Variants in TENM2 observed in about 807,000 individuals in gnomAD.
The protein encoded by TENM2 is teneurin-2.
Under a neutral mutation model 245.2 loss-of-function variants are expected in TENM2, and 52 were observed. The ratio of observed to expected loss-of-function variants is 0.21; its 90% CI spans 0.17 to 0.27. TENM2 has a LOEUF of 0.27. Ranked by LOEUF, TENM2 falls within the 10% of genes least tolerant of loss-of-function variation. The probability of loss-of-function intolerance (pLI) is 1.00; values close to 1 mark genes in which losing one functional copy is unlikely to be tolerated. For synonymous variants in TENM2, 1,363 were observed against 1,438.9 expected, an observed-to-expected ratio of 0.95 and a Z score of 1.19; for missense variants, 3,046 against 3,666.8, an observed-to-expected ratio of 0.83 and a Z score of 4.37.
intron 4 of TENM2, among the ~76,000 whole-genome samples, chr5:167,981,207 C>T (rs560620392): frequency 1.6e-4 from 25 of 152,316 alleles, no homozygotes; most frequent in Middle Eastern, 3.4e-3. Context: ...TTCAGCTCCC[C>T]GCCATCCCCA....
intron 3 of TENM2, among the ~76,000 whole-genome samples, chr5:167,894,025 A>G (rs895896370): frequency 3.3e-5 from 5 of 152,220 alleles, no homozygotes; most frequent in African/African-American, 7.2e-5. Context: ...AGGTAGTCCA[A>G]TGCGGCAGCA....
the TENM2 span, among the ~76,000 whole-genome samples, chr5:167,083,928 T>A: frequency 6.6e-6 from 1 of 152,122 alleles, no homozygotes. Flanking sequence ...GTGTTCAAAG[T>A]TAAGGATGTC....
At chr5:167,754,867 CCTCATG>C (rs1475087313) in intron 2 of TENM2, 1 of 637,404 alleles carries the variant, frequency 1.6e-6, no homozygotes, top group Non-Finnish European at 2.4e-6. Context: ...TCCTCAGGAA[CCTCATG>C]CTGAGGCTGT....
At chr5:167,828,898 CAA>C (rs1221399888) in intron 2 of TENM2, among the ~76,000 whole-genome samples, 1 of 152,172 alleles carries the variant, frequency 6.6e-6, no homozygotes, top group African/African-American at 2.4e-5. Flanking sequence ...ACCACAGGCT[CAA>C]GGTGTGGAGC....
the TENM2 span, among the ~76,000 whole-genome samples, chr5:167,264,834 CT>C: frequency 6.6e-6 from 1 of 152,150 alleles, no homozygotes; most frequent in Non-Finnish European, 1.5e-5. Flanking sequence ...GCAAGTTAAA[CT>C]GGCAGACTGA....
chr5:167,768,498 G>A lies in TENM2; in HGVS notation c.503-107488G>A, dbSNP rs564911540. On this transcript the variant is annotated intron_variant, in intron 2 of 28. Coordinates refer to ENST00000518659, the Ensembl canonical transcript of TENM2. ...AAGGGCCACATTTGGGCTTCCTATG[G>A]AGCCTCCAAAGCCCTTAGAAGCTTT... Among the ~76,000 whole-genome samples the A allele has an allele frequency of 7.9e-4, 120 of 152,264 alleles. 1 individual carries two copies. Among genetic ancestry groups the A allele is most frequent in the Non-Finnish European group, 1.4e-3 (96 of 68,014 alleles).
At chr5:168,090,003 C>G (rs956380302) in intron 7 of TENM2, among the ~76,000 whole-genome samples, 1 of 152,162 alleles carries the variant, frequency 6.6e-6, no homozygotes, top group Non-Finnish European at 1.5e-5. Flanking sequence ...TAGCCCTCAT[C>G]ATAGCCCTTC....
chr5:167,116,152 G>A, the TENM2 span, among the ~76,000 whole-genome samples: 1 of 152,190 alleles, frequency 6.6e-6, no homozygotes, highest in South Asian at 2.1e-4. Context: ...TTTATTGCGG[G>A]AAAGGACTTT....
chr5:167,824,441 A>G (rs1450128427), intron 2 of TENM2, among the ~76,000 whole-genome samples: 3 of 152,228 alleles, frequency 2.0e-5, no homozygotes, highest in African/African-American at 4.8e-5. Context: ...CTCAGAGCTC[A>G]GAGAGGTCAG....
chr5:167,766,690 A>C (rs1376746714), intron 2 of TENM2, among the ~76,000 whole-genome samples: 1 of 152,116 alleles, frequency 6.6e-6, no homozygotes, highest in Non-Finnish European at 1.5e-5. Context: ...CAGCCTGGCC[A>C]ACATGGTGAA....
chr5:167,778,582 A>G (rs1033032676), intron 2 of TENM2, among the ~76,000 whole-genome samples: 2 of 152,174 alleles, frequency 1.3e-5, no homozygotes, highest in African/African-American at 2.4e-5. Flanking sequence ...TGAATTTCAT[A>G]TAGTCCTTTA....
intron 2 of TENM2, among the ~76,000 whole-genome samples, chr5:167,532,704 A>T (rs2127594428): frequency 6.6e-6 from 1 of 151,806 alleles, no homozygotes; most frequent in Admixed American, 6.6e-5. Context: ...ATATATACAT[A>T]TCTATATATG....
intron 2 of TENM2, among the ~76,000 whole-genome samples, chr5:167,607,932 A>G (rs1462605252): frequency 6.6e-6 from 1 of 152,120 alleles, no homozygotes; most frequent in Non-Finnish European, 1.5e-5. Flanking sequence ...ATAACAGAAA[A>G]TGTACTTCTT....
At chr5:168,088,790 G>A (rs904593712) in intron 7 of TENM2, among the ~76,000 whole-genome samples, 1 of 152,192 alleles carries the variant, frequency 6.6e-6, no homozygotes, top group African/African-American at 2.4e-5. Context: ...TTGTGTTTAA[G>A]ATTATAGAGT....
At chr5:167,047,167 A>G in the TENM2 span, among the ~76,000 whole-genome samples, 1 of 152,174 alleles carries the variant, frequency 6.6e-6, no homozygotes, top group Non-Finnish European at 1.5e-5. Context: ...TCTTAATTTC[A>G]TATTACATTT....
At chr5:168,232,616 C>A (rs1242104590) in intron 25 of TENM2, among the ~76,000 whole-genome samples, 1 of 152,174 alleles carries the variant, frequency 6.6e-6, no homozygotes, top group Non-Finnish European at 1.5e-5. Flanking sequence ...GGAGCCTGGT[C>A]AGCTGAGGGG....
chr5:168,181,849 G>A (rs1331298229), intron 13 of TENM2, among the ~76,000 whole-genome samples: 1 of 151,598 alleles, frequency 6.6e-6, no homozygotes, highest in Non-Finnish European at 1.5e-5. Context: ...GCTAATTTTT[G>A]TATTTTTAGT....
intron 5 of TENM2, among the ~76,000 whole-genome samples, chr5:168,042,127 G>A (rs1367453973): frequency 6.6e-6 from 1 of 152,120 alleles, no homozygotes; most frequent in Non-Finnish European, 1.5e-5. Context: ...CCTGGTCTCT[G>A]AATGAGCTCT....
At chr5:167,952,513 C>T in intron 3 of TENM2, 75 bp from the exon 6 acceptor site, 2 of 1,269,108 alleles carry the variant, frequency 1.6e-6, no homozygotes, top group Admixed American at 2.0e-5. Flanking sequence ...GTTTGAAACT[C>T]TCCTCCAGTG....
Sources: allele counts gnomAD v4.1 joint callset (sites outside exome capture counted in the v4.1 genomes callset), GRCh38; gene constraint gnomAD v4.1.1; transcripts MANE v1.5; gene names NCBI Gene and HGNC (gene_info 2026-07-23, HGNC 2026-07-21).